Variants in NKAIN3 observed in about 807,000 individuals in gnomAD.
NKAIN3 encodes the protein sodium/potassium transporting ATPase interacting 3.
NKAIN3 carries 25 observed loss-of-function variants against 30.2 expected under a neutral mutation model. The ratio of observed to expected loss-of-function variants is 0.83; its 90% CI spans 0.60 to 1.16. The LOEUF is 1.16. NKAIN3 is among the 50% of genes most tolerant of loss of function. The pLI is 0.00. For synonymous variants in NKAIN3, 91 were observed against 89.6 expected (o/e 1.02, Z -0.09); for missense variants, 225 against 254.1 (o/e 0.89, Z 0.78).
rs779419892 is a variant in NKAIN3, at chr8:62,710,753, A to C, written c.274-36179A>C. On this transcript the variant is annotated intron_variant, in intron 3 of 6. Coordinates refer to ENST00000623646, the MANE Select transcript of NKAIN3 (RefSeq NM_001304533.3). ...TAAAGTATGAGGTATTGTTGTATTC[A>C]TCATGCTCTTCATTGCCTGTGTACT... 2.6e-4 allele frequency among the ~76,000 whole-genome samples: 39 copies of C among 152,118 alleles called. 1 individual carries two copies. The highest frequency in any genetic ancestry group is 7.4e-5 in the Non-Finnish European group (5 of 68,010).
At chr8:62,912,237 G>C (rs1027118767) in intron 4 of NKAIN3, among the ~76,000 whole-genome samples, 1 of 152,050 alleles carries the variant, frequency 6.6e-6, no homozygotes, top group African/African-American at 2.4e-5. Flanking sequence ...TAATAAGCCT[G>C]TATATTGATA....
At chr8:62,289,741 A>T (rs1005471435) in intron 1 of NKAIN3, among the ~76,000 whole-genome samples, 1 of 152,112 alleles carries the variant, frequency 6.6e-6, no homozygotes, top group Non-Finnish European at 1.5e-5. Context: ...TTTTGGTTTC[A>T]TATGAACTTT....
intron 1 of NKAIN3, among the ~76,000 whole-genome samples, chr8:62,361,202 T>A (rs968203104): frequency 6.6e-6 from 1 of 152,252 alleles, no homozygotes; most frequent in Non-Finnish European, 1.5e-5. Context: ...ATACAACTAA[T>A]AACATTTATT....
At chr8:62,668,612 G>A (rs959078521) in intron 3 of NKAIN3, among the ~76,000 whole-genome samples, 3 of 151,958 alleles carry the variant, frequency 2.0e-5, no homozygotes, top group African/African-American at 7.3e-5. Flanking sequence ...ATGATAACAC[G>A]TCTAGAATAA....
At chr8:62,531,614 A>G (rs1323287093) in intron 1 of NKAIN3, among the ~76,000 whole-genome samples, 1 of 152,182 alleles carries the variant, frequency 6.6e-6, no homozygotes, top group African/African-American at 2.4e-5. Flanking sequence ...GGGCAGGGAC[A>G]TGCTTTCTTT....
chr8:62,657,483 T>C (rs1471587617), intron 3 of NKAIN3, among the ~76,000 whole-genome samples: 1 of 152,196 alleles, frequency 6.6e-6, no homozygotes, highest in East Asian at 1.9e-4. Context: ...TTTATCATCT[T>C]CTGTGTTCAA....
At chr8:62,527,817 T>G (rs915088603) in intron 1 of NKAIN3, among the ~76,000 whole-genome samples, 1 of 151,978 alleles carries the variant, frequency 6.6e-6, no homozygotes, top group African/African-American at 2.4e-5. Flanking sequence ...TTCCTAGGTC[T>G]GACTTGTGAC....
At chr8:62,716,646 T>C (rs1361721645) in intron 3 of NKAIN3, among the ~76,000 whole-genome samples, 1 of 152,098 alleles carries the variant, frequency 6.6e-6, no homozygotes, top group South Asian at 2.1e-4. Context: ...CATGAATCTG[T>C]GGCAGAGAGA....
At chr8:62,868,641 G>T (rs1586289450) in intron 4 of NKAIN3, among the ~76,000 whole-genome samples, 1 of 152,122 alleles carries the variant, frequency 6.6e-6, no homozygotes, top group Admixed American at 6.6e-5. Context: ...GCATTTTCAT[G>T]CATGTGAATG....
At chr8:62,772,487 TTGCC>T (rs1228405662) in intron 4 of NKAIN3, among the ~76,000 whole-genome samples, 1 of 152,198 alleles carries the variant, frequency 6.6e-6, no homozygotes, top group African/African-American at 2.4e-5. Flanking sequence ...CTTCACATTC[TTGCC>T]AGCATTTATT....
chr8:62,557,340 G>A (rs762355237), intron 1 of NKAIN3, among the ~76,000 whole-genome samples: 1 of 152,026 alleles, frequency 6.6e-6, no homozygotes, highest in Non-Finnish European at 1.5e-5. Context: ...CATTGTTGCA[G>A]TTGTGAATTG....
intron 4 of NKAIN3, among the ~76,000 whole-genome samples, chr8:62,794,604 CTGTT>C (rs1351653247): frequency 6.6e-6 from 1 of 152,152 alleles, no homozygotes; most frequent in Non-Finnish European, 1.5e-5. Context: ...AAACGGAGAT[CTGTT>C]TGAGCTCAGC....
At chr8:62,475,485 T>C (rs1806488531) in intron 1 of NKAIN3, among the ~76,000 whole-genome samples, 1 of 152,204 alleles carries the variant, frequency 6.6e-6, no homozygotes, top group South Asian at 2.1e-4. Context: ...TTACATGCCA[T>C]ATAGTTCACC....
At chr8:62,264,352 G>A (rs1291150161) in intron 1 of NKAIN3, among the ~76,000 whole-genome samples, 1 of 152,184 alleles carries the variant, frequency 6.6e-6, no homozygotes, top group Non-Finnish European at 1.5e-5. Context: ...AGTCAAGACA[G>A]TGTGTATATT....
At chr8:62,619,942 T>C (rs567692128) in intron 3 of NKAIN3, among the ~76,000 whole-genome samples, 1 of 152,298 alleles carries the variant, frequency 6.6e-6, no homozygotes, top group East Asian at 1.9e-4. Context: ...TATCTTTTCC[T>C]TCTACTCATC....
At chr8:62,734,392 T>A (rs1347228936) in intron 3 of NKAIN3, among the ~76,000 whole-genome samples, 12 of 152,242 alleles carry the variant, frequency 7.9e-5, no homozygotes, top group African/African-American at 2.7e-4. Flanking sequence ...TCATATAATT[T>A]TTTTTCCTTT....
In NKAIN3 at chr8:62,940,934, GAA is replaced by G. The variant is rs200290938; in HGVS notation, c.533-12958_533-12957del. Among the ~76,000 whole-genome samples, 79 of 142,690 alleles carry G rather than the reference GAA, an allele frequency of 5.5e-4. 2 individuals are homozygous for G. Among genetic ancestry groups the G allele is most frequent in the African/African-American group, 1.9e-3 (76 of 39,062 alleles). 93.6% of individuals were successfully genotyped at this position (142,690 alleles called of 152,430 possible). A position where few individuals can be genotyped will look rare whatever the true frequency, so the allele number is the denominator to read the frequency against. ...TGATCAGAGCAGAACCAAATATATT[GAA>G]AAAAAAAAATACAAAAGATAAGTGA... On this transcript the variant is annotated intron_variant, in intron 5 of 6. Transcript: ENST00000623646.
intron 5 of NKAIN3, among the ~76,000 whole-genome samples, chr8:62,921,259 TATA>T (rs1822267140): frequency 6.6e-6 from 1 of 152,218 alleles, no homozygotes; most frequent in African/African-American, 2.4e-5. Flanking sequence ...GCAAATATAA[TATA>T]ATGTCAGTTT....
At chr8:62,635,562 C>A (rs1262997621) in intron 3 of NKAIN3, among the ~76,000 whole-genome samples, 1 of 152,022 alleles carries the variant, frequency 6.6e-6, no homozygotes, top group African/African-American at 2.4e-5. Context: ...AGCCTAACCC[C>A]AAGGTGATGG....
Sources: gnomAD v4.1 joint callset for allele counts (sites outside exome capture counted in the v4.1 genomes callset) on GRCh38, gnomAD v4.1.1 for gene constraint, MANE v1.5 for transcripts, NCBI Gene and HGNC (gene_info 2026-07-23, HGNC 2026-07-21) for gene names.